Variants in MSI2 observed in about 807,000 individuals in gnomAD.
The protein encoded by MSI2 is musashi RNA binding protein 2, also known as RNA-binding protein Musashi homolog 2.
In MSI2, 17 loss-of-function variants were observed where a neutral mutation model predicts 45.6. The observed-to-expected ratio is 0.37, with a 90% confidence interval of 0.26 to 0.56. The LOEUF (loss-of-function observed/expected upper bound fraction) is 0.56, where lower values mean the gene tolerates loss of function less well. Among genes scored for constraint, MSI2 ranks in the 20% least tolerant of loss-of-function variants. The pLI, the probability that MSI2 is intolerant of heterozygous loss-of-function variation, is 0.77. For missense variants in MSI2, 293 were observed against 444.2 expected, an observed-to-expected ratio of 0.66 and a Z score of 3.06; for synonymous variants, 156 against 158.2, an observed-to-expected ratio of 0.99 and a Z score of 0.11.
At chr17:57,662,384 TTAA>T (rs1341269313) in intron 11 of MSI2, among the ~76,000 whole-genome samples, 4 of 152,174 alleles carry the variant, frequency 2.6e-5, no homozygotes, top group Non-Finnish European at 5.9e-5. Flanking sequence ...ATAATAGATG[TTAA>T]TAATAATAGC....
At chr17:57,430,971 C>T (rs1195055021) in intron 6 of MSI2, among the ~76,000 whole-genome samples, 3 of 152,248 alleles carry the variant, frequency 2.0e-5, no homozygotes, top group Non-Finnish European at 1.5e-5. Context: ...GGAGAAGACT[C>T]CTCCAAGAAT....
intron 6 of MSI2, among the ~76,000 whole-genome samples, chr17:57,412,042 C>G (rs985840818): frequency 6.6e-6 from 1 of 151,800 alleles, no homozygotes; most frequent in Non-Finnish European, 1.5e-5. Context: ...TATGGTACCT[C>G]TTTGAGGAAA....
At chr17:57,428,683 T>C (rs189614898) in intron 6 of MSI2, among the ~76,000 whole-genome samples, 2 of 152,306 alleles carry the variant, frequency 1.3e-5, no homozygotes, top group East Asian at 3.9e-4. Flanking sequence ...GTTAGCTGAG[T>C]AGCAAAAAGC....
At chr17:57,448,241 T>C (rs2143522016) in intron 6 of MSI2, 1 of 152,046 alleles carries the variant, frequency 6.6e-6, no homozygotes, top group South Asian at 2.1e-4. Context: ...AAGCCCAGAG[T>C]GTGTGAGAAA....
chr17:57,680,452 G>A lies in MSI2; in HGVS notation c.*935G>A, dbSNP rs375626998. On this transcript the variant is annotated 3_prime_UTR_variant, in exon 14 of 14. Coordinates refer to ENST00000284073, the MANE Select transcript of MSI2 (RefSeq NM_138962.4). ...CAGGCAGTTTGATGCTCTGTGGAAG[G>A]AGGCGGGAAGGGAACGTTGGCCAAG... The A allele has an allele frequency of 4.4e-6, 1 of 229,362 alleles. No homozygotes were observed. Among genetic ancestry groups the A allele is most frequent in the African/African-American group, 2.2e-5 (1 of 45,068 alleles). 14.2% of individuals were successfully genotyped at this position (229,362 alleles called of 1,614,324 possible). A position where few individuals can be genotyped will look rare whatever the true frequency, so the allele number is the denominator to read the frequency against.
At chr17:57,619,591 G>T (rs1908088790) in intron 9 of MSI2, among the ~76,000 whole-genome samples, 1 of 152,222 alleles carries the variant, frequency 6.6e-6, no homozygotes, top group African/African-American at 2.4e-5. Context: ...CAACGAGCCT[G>T]GCCACGTGTG....
At chr17:57,655,113 G>T (rs1045638142) in intron 11 of MSI2, among the ~76,000 whole-genome samples, 3 of 151,846 alleles carry the variant, frequency 2.0e-5, no homozygotes, top group African/African-American at 7.3e-5. Flanking sequence ...CAACTCCTCT[G>T]GGCCAGCCTG....
the MSI2 span, among the ~76,000 whole-genome samples, chr17:57,695,494 G>A: frequency 5.3e-5 from 8 of 152,182 alleles, no homozygotes; most frequent in Admixed American, 5.2e-4. Context: ...GGCACAGCCC[G>A]ATGCAGTGAG....
chr17:57,256,588 C>T lies in MSI2; in HGVS notation c.-155C>T, dbSNP rs1906734972. ...GACGGCTCTCGCCGCTGCCCCGGCT[C>T]CGCCGCTCGCAGAGAGATTCGGAGG... is the stretch of plus-strand genomic sequence containing the variant. On this transcript the variant is annotated 5_prime_UTR_variant, in exon 1 of 14. Coordinates refer to ENST00000284073, the MANE Select transcript of MSI2 (RefSeq NM_138962.4). The T allele has an allele frequency of 5.1e-6, 2 of 395,722 alleles. No individual in the cohort carries two copies. Among genetic ancestry groups the T allele is most frequent in the African/African-American group, 2.3e-5 (1 of 43,080 alleles). 24.5% of individuals were successfully genotyped at this position (395,722 alleles called of 1,614,324 possible). A position where few individuals can be genotyped will look rare whatever the true frequency, so the allele number is the denominator to read the frequency against.
At chr17:57,530,854 T>C (rs936700881) in intron 7 of MSI2, among the ~76,000 whole-genome samples, 3 of 151,742 alleles carry the variant, frequency 2.0e-5, no homozygotes, top group Admixed American at 1.3e-4. Context: ...ATATCCTGAG[T>C]GCGTCTGGTA....
At position 57,416,163 on chromosome 17, in the gene MSI2, TC is replaced by T. The variant is rs1188636040; in HGVS notation, c.405+14696del. Reference sequence around the variant, plus strand: ...GAAAACCACCATCTTAATGGTGGTGTCCCCAAGCACTCAGTGCTTGCCTGGC... The same window carrying T: ...GAAAACCACCATCTTAATGGTGGTGTCCCAAGCACTCAGTGCTTGCCTGGC... On this transcript the variant is annotated intron_variant, in intron 6 of 13. Coordinates refer to ENST00000284073, the MANE Select transcript of MSI2 (RefSeq NM_138962.4). Among the ~76,000 whole-genome samples the T allele has an allele frequency of 7.9e-5, 12 of 152,280 alleles. No individual in the cohort carries two copies. The East Asian group carries it at 2.1e-3, about 27-fold the overall frequency.
chr17:57,298,522 G>T lies in MSI2; in HGVS notation c.312+36330G>T, dbSNP rs116524226. Among the ~76,000 whole-genome samples the T allele has an allele frequency of 4.3e-3, 648 of 152,262 alleles. 7 individuals carry two copies. The highest frequency in any genetic ancestry group is 0.015 in the African/African-American group (621 of 41,556). ...GCCAACATGGTGAAACCCCACTGGT[G>T]TGGTGGCACATGCTTGTAATCCCAG... On this transcript the variant is annotated intron_variant, in intron 5 of 13. Coordinates refer to ENST00000284073, the MANE Select transcript of MSI2 (RefSeq NM_138962.4).
chr17:57,454,836 A>T (rs1019210313), intron 6 of MSI2, among the ~76,000 whole-genome samples: 3 of 152,162 alleles, frequency 2.0e-5, no homozygotes, highest in African/African-American at 7.2e-5. Context: ...TCTTCACTAG[A>T]TTAAAGCCAG....
chr17:57,659,049 T>A (rs185308458), intron 11 of MSI2, among the ~76,000 whole-genome samples: 65 of 150,082 alleles, frequency 4.3e-4, no homozygotes, highest in African/African-American at 1.5e-3. Context: ...CAGAGGTTTT[T>A]TTTTTATTTG....
intron 6 of MSI2, among the ~76,000 whole-genome samples, chr17:57,491,049 G>A (rs1490985722): frequency 6.6e-6 from 1 of 152,212 alleles, no homozygotes; most frequent in African/African-American, 2.4e-5. Flanking sequence ...GTGTCACACT[G>A]CCCCTCGTGG....
chr17:57,350,444 C>G (rs1289742072), intron 5 of MSI2, among the ~76,000 whole-genome samples: 1 of 152,116 alleles, frequency 6.6e-6, no homozygotes, highest in Non-Finnish European at 1.5e-5. Context: ...ACTGGATGGC[C>G]TCTCCATGTG....
chr17:57,676,543 G>A (rs976831045), intron 12 of MSI2, among the ~76,000 whole-genome samples: 4 of 152,168 alleles, frequency 2.6e-5, no homozygotes, highest in African/African-American at 7.2e-5. Flanking sequence ...CTTGAAAACC[G>A]GGGTCTTTTG....
intron 6 of MSI2, among the ~76,000 whole-genome samples, chr17:57,474,800 C>A (rs903998715): frequency 6.6e-6 from 1 of 152,154 alleles, no homozygotes; most frequent in Admixed American, 6.5e-5. Flanking sequence ...CTCATTGCAA[C>A]CTCCACCTCC....
At chr17:57,619,062 C>T (rs1368298815) in intron 9 of MSI2, among the ~76,000 whole-genome samples, 1 of 152,180 alleles carries the variant, frequency 6.6e-6, no homozygotes, top group African/African-American at 2.4e-5. Context: ...AACTGGTTTT[C>T]ATCTGGGAGA....
Sources: allele counts gnomAD v4.1 joint callset (sites outside exome capture counted in the v4.1 genomes callset), GRCh38; gene constraint gnomAD v4.1.1; transcripts MANE v1.5; gene names NCBI Gene and HGNC (gene_info 2026-07-23, HGNC 2026-07-21).